DDR2: variants seen among roughly 807,000 people sequenced by gnomAD.
DDR2 encodes discoidin domain-containing receptor 2.
DDR2 carries 27 observed loss-of-function variants against 94.9 expected under a neutral mutation model. The ratio of observed to expected loss-of-function variants is 0.28; its 90% CI spans 0.21 to 0.39. The LOEUF (loss-of-function observed/expected upper bound fraction) is 0.39, where lower values mean the gene tolerates loss of function less well. DDR2 is among the 10% of genes least tolerant of loss of function. DDR2 has a pLI of 1.00. For missense variants in DDR2, 783 were observed against 1,076.0 expected (o/e 0.73, Z 3.81); for synonymous variants, 382 against 377.2 (o/e 1.01, Z -0.15).
intron 1 of DDR2, among the ~76,000 whole-genome samples, chr1:162,638,207 G>T (rs1377791542): frequency 6.6e-6 from 1 of 152,082 alleles, no homozygotes; most frequent in East Asian, 1.9e-4. Flanking sequence ...TTTTAGTAGA[G>T]TTGGGGTTTC....
At chr1:162,683,188 T>A (rs1448469754) in intron 2 of DDR2, among the ~76,000 whole-genome samples, 1 of 152,170 alleles carries the variant, frequency 6.6e-6, no homozygotes, top group Non-Finnish European at 1.5e-5. Flanking sequence ...AGGAATAGAA[T>A]AATTACCTCA....
intron 2 of DDR2, among the ~76,000 whole-genome samples, chr1:162,686,345 G>T (rs1659690503): frequency 6.6e-6 from 1 of 152,070 alleles, no homozygotes; most frequent in African/African-American, 2.4e-5. Context: ...TTAGGTATTT[G>T]TCCTAATGCT....
intron 2 of DDR2, among the ~76,000 whole-genome samples, chr1:162,676,368 A>C (rs181201838): frequency 6.6e-6 from 1 of 152,246 alleles, no homozygotes; most frequent in Admixed American, 6.5e-5. Flanking sequence ...TTTCCTCTAC[A>C]ACAATTGTTA....
chr1:162,759,211 G>A (rs1036465437), intron 7 of DDR2, among the ~76,000 whole-genome samples: 2 of 152,058 alleles, frequency 1.3e-5, no homozygotes, highest in African/African-American at 4.8e-5. Flanking sequence ...TTCCCCCTTA[G>A]TTTAATATCA....
chr1:162,657,105 G>A (rs1658026570), intron 2 of DDR2, among the ~76,000 whole-genome samples: 1 of 151,930 alleles, frequency 6.6e-6, no homozygotes, highest in African/African-American at 2.4e-5. Context: ...CTCCTAAAGT[G>A]CTGGGATTAC....
chr1:162,677,759 C>T (rs1274670393), intron 2 of DDR2, among the ~76,000 whole-genome samples: 1 of 152,140 alleles, frequency 6.6e-6, no homozygotes, highest in African/African-American at 2.4e-5. Context: ...AATTTTTGGG[C>T]AGTCAGTGAT....
At chr1:162,715,864 C>T (rs1004720156) in intron 2 of DDR2, among the ~76,000 whole-genome samples, 7 of 152,152 alleles carry the variant, frequency 4.6e-5, no homozygotes, top group African/African-American at 1.4e-4. Flanking sequence ...TGACAGTCAT[C>T]TAATTTTAGG....
intron 3 of DDR2, among the ~76,000 whole-genome samples, chr1:162,720,270 T>C (rs1661360714): frequency 6.6e-6 from 1 of 152,056 alleles, no homozygotes; most frequent in Non-Finnish European, 1.5e-5. Flanking sequence ...AACAGAACTA[T>C]ACCAGCACTT....
rs965888179 is a variant in DDR2 at position 162,655,360 on chromosome 1, T to C, written c.-42T>C. 6.6e-6 allele frequency: 1 copy of C among 152,212 alleles called. No individual in the cohort carries two copies. The highest frequency in any genetic ancestry group is 1.5e-5 in the Non-Finnish European group (1 of 68,050). 9.4% of individuals were successfully genotyped at this position (152,212 alleles called of 1,614,324 possible). On this transcript the variant is annotated 5_prime_UTR_variant, in exon 2 of 18. Coordinates refer to ENST00000367921, the MANE Select transcript of DDR2 (RefSeq NM_006182.4). The stretch of plus-strand genomic sequence containing the variant: ...GAGGATCCTGCTCCACAGAGAATGC[T>C]CTGCACCCGTTGATGTAAGTAGGTC...
At chr1:162,755,017 C>A in intron 5 of DDR2, 139 bp from the exon 6 acceptor site, 1 of 1,448,922 alleles carries the variant, frequency 6.9e-7, no homozygotes, top group Non-Finnish European at 9.6e-7. Flanking sequence ...GAAGGAATAT[C>A]AAGGCTGTGG....
At chr1:162,696,951 TGA>T (rs2101987034) in intron 2 of DDR2, among the ~76,000 whole-genome samples, 1 of 152,220 alleles carries the variant, frequency 6.6e-6, no homozygotes, top group Non-Finnish European at 1.5e-5. Flanking sequence ...ACTTCTCTGC[TGA>T]GATTTCTATT....
At chr1:162,656,914 C>T (rs1325293295) in intron 2 of DDR2, among the ~76,000 whole-genome samples, 2 of 127,304 alleles carry the variant, frequency 1.6e-5, no homozygotes, top group African/African-American at 5.8e-5. Flanking sequence ...TAATCTTGTG[C>T]AATCTTGGCT....
At chr1:162,637,180 A>G (rs563421709) in intron 1 of DDR2, among the ~76,000 whole-genome samples, 3 of 152,256 alleles carry the variant, frequency 2.0e-5, no homozygotes, top group African/African-American at 4.8e-5. Context: ...AAGCATTTAT[A>G]AGCATTCATT....
intron 2 of DDR2, among the ~76,000 whole-genome samples, chr1:162,702,323 T>C (rs1157235932): frequency 1.3e-5 from 2 of 152,174 alleles, no homozygotes; most frequent in Non-Finnish European, 2.9e-5. Context: ...AGGTATCTTT[T>C]ACCTTCTCCT....
At chr1:162,704,006 T>C (rs1419728940) in intron 2 of DDR2, among the ~76,000 whole-genome samples, 1 of 152,200 alleles carries the variant, frequency 6.6e-6, no homozygotes, top group Non-Finnish European at 1.5e-5. Flanking sequence ...GGTGGTGGCA[T>C]CCTTCATTTG....
At chr1:162,730,134 C>T (rs917034225) in intron 3 of DDR2, among the ~76,000 whole-genome samples, 1 of 146,718 alleles carries the variant, frequency 6.8e-6, no homozygotes, top group Non-Finnish European at 1.5e-5. Context: ...TGGGAAGGAA[C>T]CCATAGGAAT....
intron 3 of DDR2, among the ~76,000 whole-genome samples, chr1:162,732,665 C>T (rs573934793): frequency 1.3e-5 from 2 of 152,348 alleles, no homozygotes; most frequent in Admixed American, 1.3e-4. Flanking sequence ...CCAATAATGC[C>T]CCTCAGTCAG....
intron 2 of DDR2, among the ~76,000 whole-genome samples, chr1:162,687,834 A>T (rs1659761133): frequency 6.6e-6 from 1 of 152,190 alleles, no homozygotes; most frequent in African/African-American, 2.4e-5. Flanking sequence ...ATGAGTATTT[A>T]GGGCACATAT....
intron 2 of DDR2, among the ~76,000 whole-genome samples, chr1:162,704,859 G>A (rs2102002482): frequency 1.3e-5 from 2 of 152,290 alleles, no homozygotes; most frequent in Middle Eastern, 6.8e-3. Context: ...CATAACGGGG[G>A]TTTACTAAGG....
Sources: allele counts gnomAD v4.1 joint callset (sites outside exome capture counted in the v4.1 genomes callset), GRCh38; gene constraint gnomAD v4.1.1; transcripts MANE v1.5; gene names NCBI Gene and HGNC (gene_info 2026-07-23, HGNC 2026-07-21).